AMY2B: variants seen among roughly 807,000 people sequenced by gnomAD.
AMY2B encodes amylase alpha 2B.
AMY2B carries 63 observed loss-of-function variants against 59.3 expected under a neutral mutation model. That is an observed-to-expected ratio of 1.06 (90% CI 0.87 to 1.31). The LOEUF is 1.31. AMY2B is among the 50% of genes most tolerant of loss of function. The probability of loss-of-function intolerance (pLI) is 0.00; values close to 1 mark genes in which losing one functional copy is unlikely to be tolerated. For missense variants in AMY2B, 635 were observed against 626.7 expected (o/e 1.01, Z -0.14); for synonymous variants, 180 against 198.1 (o/e 0.91, Z 0.77).
intron 9 of AMY2B, among the ~76,000 whole-genome samples, chr1:103,578,723 T>C (rs1652458516): frequency 6.6e-6 from 1 of 152,192 alleles, no homozygotes; most frequent in Admixed American, 6.5e-5. Flanking sequence ...TTTCAAACTA[T>C]CACTTCTTCA....
At chr1:103,561,961 A>G (rs759157474) in intron 1 of AMY2B, 4 of 152,214 alleles carry the variant, frequency 2.6e-5, no homozygotes, top group African/African-American at 7.2e-5. Context: ...TAGAAAATCT[A>G]TAAGATTCTA....
intron 1 of AMY2B, among the ~76,000 whole-genome samples, chr1:103,555,588 A>C (rs912394545): frequency 4.6e-5 from 7 of 152,192 alleles, no homozygotes; most frequent in African/African-American, 1.7e-4. Flanking sequence ...TATTTCCCAC[A>C]TAAAATTATT....
chr1:103,556,562 T>C (rs1400296270), intron 1 of AMY2B, among the ~76,000 whole-genome samples: 3 of 151,760 alleles, frequency 2.0e-5, no homozygotes, highest in Non-Finnish European at 2.9e-5. Context: ...TATAATAATA[T>C]ATAATAGTAC....
chr1:103,572,726 CT>C (rs1652184805), intron 2 of AMY2B, among the ~76,000 whole-genome samples: 3 of 152,134 alleles, frequency 2.0e-5, no homozygotes, highest in African/African-American at 7.2e-5. Flanking sequence ...AGGCTTTCTC[CT>C]GGTGACCGAC....
upstream of AMY2B, chr1:103,571,294 C>A: frequency 1.3e-6 from 1 of 754,450 alleles, no homozygotes; most frequent in East Asian, 4.3e-5. Flanking sequence ...AAAGAGATGA[C>A]AACAAATTTT....
At position 103,574,290 on chromosome 1, in the gene AMY2B, A is replaced by T. The variant is rs1194469307; in HGVS notation, c.775A>T (p.Ser259Cys). 1 of 1,611,764 alleles carries T rather than the reference A, an allele frequency of 6.2e-7. No individual in the cohort carries two copies. Among genetic ancestry groups the T allele is most frequent in the South Asian group, 1.1e-5 (1 of 90,994 alleles). ...VIDLGGEPIK[S>C]SDYFGNGRVT... Reference sequence around the variant, plus strand: ...TGATCTGGGTGGTGAGCCAATTAAAAGCAGTGACTACTTTGGAAATGGCCG... The same window carrying T: ...TGATCTGGGTGGTGAGCCAATTAAATGCAGTGACTACTTTGGAAATGGCCG... The change falls in exon 5 of 10, where the codon AGC becomes TGC. Residue 259 changes from serine to cysteine, a missense_variant. Coordinates refer to ENST00000684275, the MANE Select transcript of AMY2B (RefSeq NM_001387437.1).
Position 103,575,307 on chromosome 1 carries a change from G to C in AMY2B, c.963G>C (p.Gly321=), listed in dbSNP as rs1190419806. 2.5e-6 allele frequency: 4 copies of C among 1,613,584 alleles called. No homozygotes were observed. The highest frequency in any genetic ancestry group is 1.1e-5 in the South Asian group (1 of 91,056). The change falls in exon 6 of 10, where the codon GGG becomes GGC. Residue 321 remains glycine, a synonymous_variant. Coordinates refer to ENST00000684275, the MANE Select transcript of AMY2B (RefSeq NM_001387437.1). ...ACCATGACAATCAACGAGGACATGG[G>C]GCTGGAGGAGCCTCTATTCTTACCT... is the stretch of plus-strand genomic sequence containing the variant. The part of the protein sequence containing the change: ...VDNHDNQRGH[G]AGGASILTFW...
At chr1:103,572,365 T>G (rs1270504386) in intron 2 of AMY2B, 109 bp downstream of exon 2, 2 of 1,505,042 alleles carry the variant, frequency 1.3e-6, no homozygotes, top group East Asian at 4.6e-5. Flanking sequence ...TTTTTTTAAT[T>G]TTACTTCATA....
Position 103,573,778 on chromosome 1 carries a change from C to A in AMY2B, c.584C>A (p.Ala195Asp). The change falls in exon 4 of 10, where the codon GCC (alanine) becomes GAC (aspartate). Residue 195 changes from alanine (A) to aspartate (D), a missense_variant. Ala to Asp is a moderately radical substitution (Grantham distance 126, BLOSUM62 -2). Coordinates refer to ENST00000684275, the MANE Select transcript of AMY2B (RefSeq NM_001387437.1). ...LEKDYVRSKI[A>D]EYMNHLIDIG... is the part of the protein sequence containing the mutation. ...AAAGATTATGTGCGTTCCAAGATTG[C>A]CGAATATATGAATCATCTCATTGAC... is the stretch of plus-strand genomic sequence containing the variant. 1 of 1,613,768 alleles carries A rather than the reference C, an allele frequency of 6.2e-7. No homozygotes were observed. The highest frequency in any genetic ancestry group is 8.5e-7 in the Non-Finnish European group (1 of 1,179,762).
chr1:103,577,647 C>T (rs376360987), intron 8 of AMY2B, 39 bp downstream of exon 8: 100 of 1,611,682 alleles, frequency 6.2e-5, no homozygotes, highest in Non-Finnish European at 8.2e-5. Context: ...TAATAGTAAA[C>T]TTTCCATTGC....
chr1:103,574,980 C>T (rs1480199938), intron 5 of AMY2B, among the ~76,000 whole-genome samples: 4 of 150,010 alleles, frequency 2.7e-5, no homozygotes, highest in Non-Finnish European at 5.9e-5. Context: ...CGAATATAGA[C>T]TACATATGTA....
upstream of AMY2B, chr1:103,569,380 CCTTA>C (rs1652025830): frequency 5.8e-6 from 1 of 173,842 alleles, no homozygotes; most frequent in African/African-American, 2.5e-5. Context: ...TATTTACTGT[CCTTA>C]TTTATGTGGG....
chr1:103,578,677 A>G (rs1652457193), intron 9 of AMY2B, among the ~76,000 whole-genome samples: 1 of 152,178 alleles, frequency 6.6e-6, no homozygotes, highest in African/African-American at 2.4e-5. Context: ...TTGTGGATGA[A>G]AATACCAAAA....
intron 9 of AMY2B, among the ~76,000 whole-genome samples, chr1:103,578,633 A>G (rs1444785341): frequency 1.3e-5 from 2 of 152,284 alleles, no homozygotes; most frequent in East Asian, 1.9e-4. Context: ...TTCCTGCCAA[A>G]AAAGCCCATG....
In AMY2B at chr1:103,571,673, G is replaced by C. The variant is rs750312778; in HGVS notation, c.71G>C (p.Gly24Ala). Residue 24 changes from glycine to alanine, a missense_variant, in exon 1 of 10, where the codon GGA (glycine) becomes GCA (alanine). Gly to Ala is a moderately conservative substitution (Grantham distance 60, BLOSUM62 0). Transcript: ENST00000684275. The stretch of plus-strand genomic sequence containing the variant: ...CAGTATTCCCCAAATACACAACAAG[G>C]ACGGACATCTATTGTTCATCTGTTT... Reference protein sequence around the residue: ...WAQYSPNTQQGRTSIVHLFEW... With the variant: ...WAQYSPNTQQARTSIVHLFEW... 1.9e-6 allele frequency: 3 copies of C among 1,611,918 alleles called. No homozygotes were observed. The highest frequency in any genetic ancestry group is 2.2e-5 in the South Asian group (2 of 90,990).
upstream of AMY2B, chr1:103,570,515 C>A (rs1162109176): frequency 9.5e-6 from 6 of 628,648 alleles, no homozygotes; most frequent in Admixed American, 9.2e-5. Context: ...GGGCACCTAG[C>A]ACCATGAAGA....
upstream of AMY2B, chr1:103,570,043 A>G (rs1299706896): frequency 4.6e-6 from 2 of 434,256 alleles, no homozygotes; most frequent in African/African-American, 2.1e-5. Flanking sequence ...CATGGTGCCC[A>G]TCTATAAGGG....
chr1:103,559,333 G>A (rs1651660870), intron 1 of AMY2B, among the ~76,000 whole-genome samples: 1 of 152,148 alleles, frequency 6.6e-6, no homozygotes, highest in African/African-American at 2.4e-5. Context: ...CAGGTTTGTA[G>A]CCTAGGAGGA....
At chr1:103,556,984 C>G (rs536816547) in intron 1 of AMY2B, among the ~76,000 whole-genome samples, 1 of 152,014 alleles carries the variant, frequency 6.6e-6, no homozygotes, top group Non-Finnish European at 1.5e-5. Context: ...GAGCTAACCC[C>G]CTGTGTCAGA....
Sources: allele counts gnomAD v4.1 joint callset (sites outside exome capture counted in the v4.1 genomes callset), GRCh38; gene constraint gnomAD v4.1.1; transcripts MANE v1.5; gene names NCBI Gene and HGNC (gene_info 2026-07-23, HGNC 2026-07-21).